Variants in HS3ST4 observed in about 807,000 individuals in gnomAD.
The protein encoded by HS3ST4 is heparan sulfate glucosamine 3-O-sulfotransferase 4.
In HS3ST4, 17 loss-of-function variants were observed where a neutral mutation model predicts 29.2. The ratio of observed to expected loss-of-function variants is 0.58; its 90% CI spans 0.40 to 0.87. The LOEUF is 0.87. Among genes scored for constraint, HS3ST4 ranks in the 40% least tolerant of loss-of-function variants. HS3ST4 has a pLI of 0.00. For missense variants in HS3ST4, 627 were observed against 634.5 expected, an observed-to-expected ratio of 0.99 and a Z score of 0.13; for synonymous variants, 314 against 285.7, an observed-to-expected ratio of 1.10 and a Z score of -1.00.
At chr16:25,908,484 G>A (rs1453144309) in intron 1 of HS3ST4, among the ~76,000 whole-genome samples, 1 of 152,196 alleles carries the variant, frequency 6.6e-6, no homozygotes, top group Non-Finnish European at 1.5e-5. Flanking sequence ...AGCCTGAGTT[G>A]TGTGGGACAT....
intron 1 of HS3ST4, among the ~76,000 whole-genome samples, chr16:26,067,255 T>C (rs1344834958): frequency 6.6e-6 from 1 of 152,216 alleles, no homozygotes; most frequent in Non-Finnish European, 1.5e-5. Context: ...TCCAACAAAA[T>C]AGCTGCTTCC....
At chr16:25,824,346 C>A (rs1967195303) in intron 1 of HS3ST4, among the ~76,000 whole-genome samples, 1 of 152,146 alleles carries the variant, frequency 6.6e-6, no homozygotes, top group East Asian at 1.9e-4. Flanking sequence ...TTGGTCTGTT[C>A]TCACCCTGCT....
At chr16:26,009,262 C>T (rs1018304724) in intron 1 of HS3ST4, among the ~76,000 whole-genome samples, 4 of 152,208 alleles carry the variant, frequency 2.6e-5, no homozygotes, top group African/African-American at 9.7e-5. Context: ...AAGCATTTGT[C>T]ACTGTTAGAA....
chr16:25,830,772 A>G (rs1000052627), intron 1 of HS3ST4, among the ~76,000 whole-genome samples: 1 of 151,126 alleles, frequency 6.6e-6, no homozygotes, highest in East Asian at 1.9e-4. Context: ...CATCTATACG[A>G]TCACAGCTCA....
chr16:25,917,823 G>T (rs540059903), intron 1 of HS3ST4, among the ~76,000 whole-genome samples: 79 of 152,256 alleles, frequency 5.2e-4, no homozygotes, highest in African/African-American at 1.9e-3. Context: ...CCTTTTGCTG[G>T]CCAAACCTTC....
At chr16:25,828,760 T>A (rs947279118) in intron 1 of HS3ST4, among the ~76,000 whole-genome samples, 12 of 152,216 alleles carry the variant, frequency 7.9e-5, no homozygotes, top group Non-Finnish European at 1.3e-4. Flanking sequence ...GAACATGTGC[T>A]ATTTGCATTT....
At chr16:26,080,560 C>A (rs1050736930) in intron 1 of HS3ST4, among the ~76,000 whole-genome samples, 1 of 152,064 alleles carries the variant, frequency 6.6e-6, no homozygotes, top group Non-Finnish European at 1.5e-5. Context: ...ATGGCAAATG[C>A]ACTATCAAGC....
chr16:25,989,931 T>C (rs554397315), intron 1 of HS3ST4, among the ~76,000 whole-genome samples: 4 of 152,232 alleles, frequency 2.6e-5, no homozygotes, highest in Non-Finnish European at 5.9e-5. Context: ...TTGGTGTTTG[T>C]ACGTGCCATG....
intron 1 of HS3ST4, among the ~76,000 whole-genome samples, chr16:25,950,660 A>G (rs909117364): frequency 1.4e-4 from 21 of 151,992 alleles, no homozygotes; most frequent in African/African-American, 4.1e-4. Flanking sequence ...GAAGAAGGAT[A>G]AAGATCTAGG....
chr16:25,873,310 CCATCCATCCATCCTTCCTTCCTTCCTTT>C (rs1967777850), intron 1 of HS3ST4, among the ~76,000 whole-genome samples: 1 of 121,916 alleles, frequency 8.2e-6, no homozygotes, highest in Non-Finnish European at 1.8e-5. Context: ...ATCCATCCAT[CCATCCATCCATCCTTCCTTCCTTCCTTT>C]CATCCATCTA....
intron 1 of HS3ST4, among the ~76,000 whole-genome samples, chr16:25,778,712 A>C (rs1328213054): frequency 6.6e-6 from 1 of 152,076 alleles, no homozygotes; most frequent in Non-Finnish European, 1.5e-5. Flanking sequence ...GAGGAGGAGG[A>C]GAAGCAGGAG....
chr16:25,775,811 C>T (rs1966847090), intron 1 of HS3ST4, among the ~76,000 whole-genome samples: 1 of 152,232 alleles, frequency 6.6e-6, no homozygotes, highest in African/African-American at 2.4e-5. Flanking sequence ...TCTGCTGTGA[C>T]TGTGAATCCA....
At chr16:25,952,339 C>A (rs1968690465) in intron 1 of HS3ST4, among the ~76,000 whole-genome samples, 1 of 152,232 alleles carries the variant, frequency 6.6e-6, no homozygotes, top group Non-Finnish European at 1.5e-5. Flanking sequence ...TGGCTTCCTC[C>A]AGGAAAGAAA....
intron 1 of HS3ST4, among the ~76,000 whole-genome samples, chr16:26,113,786 T>A (rs1166550235): frequency 6.6e-6 from 1 of 152,106 alleles, no homozygotes; most frequent in Non-Finnish European, 1.5e-5. Flanking sequence ...CCCATCCATA[T>A]CTCTGGAATG....
intron 1 of HS3ST4, among the ~76,000 whole-genome samples, chr16:25,751,314 G>A (rs549118355): frequency 1.2e-4 from 19 of 152,210 alleles, no homozygotes; most frequent in Non-Finnish European, 1.8e-4. Context: ...TGCATGTGGC[G>A]TCATTCAGTT....
intron 1 of HS3ST4, among the ~76,000 whole-genome samples, chr16:25,701,999 TA>T (rs1966337654): frequency 6.6e-6 from 1 of 152,194 alleles, no homozygotes. Context: ...AACCTGCTAT[TA>T]AAATAGGGTC....
rs538664386 is a variant in HS3ST4, at chr16:25,724,488, C to T, written c.734+31337C>T. ...AAGCGATTCTCCTGCCTCAGTCTCC[C>T]GAGTAGCTGGGACTACAGGTGTGCA... On this transcript the variant is annotated intron_variant, in intron 1 of 1. Coordinates refer to ENST00000331351, the MANE Select transcript of HS3ST4 (RefSeq NM_006040.3). Among the ~76,000 whole-genome samples, 28 of 151,908 alleles carry T rather than the reference C, an allele frequency of 1.8e-4. No homozygotes were observed. In the East Asian group the frequency reaches 1.9e-3, roughly 11 times the overall value.
At chr16:26,026,001 C>T (rs1408576589) in intron 1 of HS3ST4, among the ~76,000 whole-genome samples, 3 of 152,142 alleles carry the variant, frequency 2.0e-5, no homozygotes, top group Non-Finnish European at 4.4e-5. Context: ...GTCTCGATCT[C>T]TTGATCTCGT....
At chr16:26,071,228 A>T (rs181836555) in intron 1 of HS3ST4, among the ~76,000 whole-genome samples, 3 of 152,202 alleles carry the variant, frequency 2.0e-5, no homozygotes, top group African/African-American at 7.2e-5. Flanking sequence ...AACAGAACCC[A>T]CTATGAAAAC....
Sources: allele counts gnomAD v4.1 joint callset (sites outside exome capture counted in the v4.1 genomes callset), GRCh38; gene constraint gnomAD v4.1.1; transcripts MANE v1.5; gene names NCBI Gene and HGNC (gene_info 2026-07-23, HGNC 2026-07-21).